Variants in CRYBG1 observed in about 807,000 individuals in gnomAD.
CRYBG1 encodes beta/gamma crystallin domain-containing protein 1.
In CRYBG1, 139 loss-of-function variants were observed where a neutral mutation model predicts 189.2. The ratio of observed to expected loss-of-function variants is 0.73; its 90% CI spans 0.64 to 0.85. CRYBG1 has a LOEUF of 0.85. CRYBG1 is among the 40% of genes least tolerant of loss of function. The pLI is 0.00. For synonymous variants in CRYBG1, 1,023 were observed against 1,017.1 expected (o/e 1.01, Z -0.11); for missense variants, 2,611 against 2,675.8 (o/e 0.98, Z 0.53).
At chr6:106,513,083 G>T (rs988253811) in intron 3 of CRYBG1, 44 bp downstream of exon 3, 4 of 1,564,238 alleles carry the variant, frequency 2.6e-6, no homozygotes, top group Non-Finnish European at 3.4e-6. Flanking sequence ...GTCCGCACAC[G>T]TGCTGGGGGT....
intron 3 of CRYBG1, among the ~76,000 whole-genome samples, chr6:106,514,030 A>G (rs1220753693): frequency 6.6e-6 from 1 of 152,248 alleles, no homozygotes; most frequent in African/African-American, 2.4e-5. Context: ...TCAAATAACA[A>G]TACAAGATGA....
chr6:106,444,438 C>T (rs990712751), intron 1 of CRYBG1, among the ~76,000 whole-genome samples: 1 of 152,208 alleles, frequency 6.6e-6, no homozygotes, highest in Admixed American at 6.5e-5. Flanking sequence ...CTCGGTTCCT[C>T]AGTTCTCCTG....
intron 2 of CRYBG1, among the ~76,000 whole-genome samples, chr6:106,509,794 T>G (rs1349247920): frequency 6.6e-6 from 1 of 151,482 alleles, no homozygotes; most frequent in Non-Finnish European, 1.5e-5. Flanking sequence ...GAATTCTGAC[T>G]TTACTGCTCT....
intron 1 of CRYBG1, among the ~76,000 whole-genome samples, chr6:106,440,410 G>A (rs542372278): frequency 4.6e-5 from 7 of 151,774 alleles, no homozygotes; most frequent in Middle Eastern, 3.4e-3. Flanking sequence ...GACTGTAGGC[G>A]CACACCACCA....
chr6:106,521,295 A>C lies in CRYBG1; in HGVS notation c.4087A>C (p.Lys1363Gln). Residue 1363 changes from lysine to glutamine, a missense_variant, in exon 4 of 22, where the codon AAG becomes CAG. This residue lies in a region of CRYBG1 where 1,622 missense variants were observed against 1,735.0 expected (regional missense o/e 0.93). Coordinates refer to ENST00000633556, the MANE Select transcript of CRYBG1 (RefSeq NM_001371242.2). ...TAAATTTTCTGAATTGTCAAAACTGAAGAATGATGATATGGAAAAGGCTAA... is the reference window on the plus strand; with the variant it reads ...TAAATTTTCTGAATTGTCAAAACTGCAGAATGATGATATGGAAAAGGCTAA... ...ETKFSELSKL[K>Q]NDDMEKANHI... 6.2e-7 allele frequency: 1 copy of C among 1,614,152 alleles called. No homozygotes were observed. Among genetic ancestry groups the C allele is most frequent in the Non-Finnish European group, 8.5e-7 (1 of 1,180,030 alleles).
At chr6:106,514,685 C>A (rs927339985) in intron 3 of CRYBG1, among the ~76,000 whole-genome samples, 1 of 152,132 alleles carries the variant, frequency 6.6e-6, no homozygotes, top group African/African-American at 2.4e-5. Context: ...AATTAGAAGA[C>A]ACCAGTAGAA....
At chr6:106,519,001 A>ACT in intron 3 of CRYBG1, 130 bp from the exon 4 acceptor site, 1 of 962,950 alleles carries the variant, frequency 1.0e-6, no homozygotes, top group Non-Finnish European at 1.5e-6. Flanking sequence ...ATACACACAC[A>ACT]CACACACCAC....
Position 106,571,453 on chromosome 6 carries a change from A to ACTT in CRYBG1, c.*2888_*2890dup, listed in dbSNP as rs1291739986. The ACTT allele has an allele frequency of 6.5e-6, 1 of 153,404 alleles. No homozygotes were observed. Among genetic ancestry groups the ACTT allele is most frequent in the East Asian group, 1.9e-4 (1 of 5,222 alleles). 9.5% of individuals were successfully genotyped at this position (153,404 alleles called of 1,614,324 possible). On this transcript the variant is annotated 3_prime_UTR_variant, in exon 22 of 22. Coordinates refer to ENST00000633556, the MANE Select transcript of CRYBG1 (RefSeq NM_001371242.2). Reference sequence around the variant, plus strand: ...GGTGGTTCACGCCTGTAATCCCAGAACTTTGGGAGACTGACATGGTGGATC... The same window carrying ACTT: ...GGTGGTTCACGCCTGTAATCCCAGAACTTCTTTGGGAGACTGACATGGTGGATC...
chr6:106,506,385 T>G (rs783411), intron 2 of CRYBG1, among the ~76,000 whole-genome samples: 8,285 of 151,704 alleles, frequency 0.055, 708 homozygotes, highest in African/African-American at 0.19. Flanking sequence ...TAGGAAAACT[T>G]ATTTATTTAT....
chr6:106,418,860 G>A (rs746825362), intron 1 of CRYBG1, among the ~76,000 whole-genome samples: 5 of 152,208 alleles, frequency 3.3e-5, no homozygotes, highest in Admixed American at 6.5e-5. Context: ...AGGGGCACCC[G>A]AGTGGGTCTT....
intron 8 of CRYBG1, among the ~76,000 whole-genome samples, chr6:106,530,687 C>A (rs578174463): frequency 2.6e-4 from 40 of 152,274 alleles, no homozygotes; most frequent in Admixed American, 2.4e-3. Flanking sequence ...TGGAAGCCAA[C>A]ACACATGGTA....
Position 106,511,661 on chromosome 6 carries a change from G to A in CRYBG1, c.544G>A (p.Glu182Lys), listed in dbSNP as rs750704187. 94 of 1,535,658 alleles carry A rather than the reference G, an allele frequency of 6.1e-5. No homozygotes were observed. Among genetic ancestry groups the A allele is most frequent in the Non-Finnish European group, 8.0e-5 (92 of 1,146,678 alleles). Reference protein sequence around the residue: ...SSQLKQTDTSEEGSPRENPRE... With the variant: ...SSQLKQTDTSKEGSPRENPRE... ...CCAACTGAAGCAAACGGACACAAGC[G>A]AGGAGGGCTCCCCGCGGGAGAATCC... is the stretch of plus-strand genomic sequence containing the variant. Residue 182 changes from glutamate to lysine, a missense_variant, in exon 3 of 22, where the codon GAG (glutamate) becomes AAG (lysine). Coordinates refer to ENST00000633556, the MANE Select transcript of CRYBG1 (RefSeq NM_001371242.2).
chr6:106,449,975 G>A (rs542650835), intron 1 of CRYBG1, among the ~76,000 whole-genome samples: 50 of 152,100 alleles, frequency 3.3e-4, no homozygotes, highest in Admixed American at 1.3e-3. Context: ...CTGTAATCCC[G>A]GCACTTTGGG....
In CRYBG1 at chr6:106,553,378, G is replaced by A. The variant is rs139062175; in HGVS notation, c.5473-77G>A. ...AACAAAAGTCAGCAGGTCATGTTTA[G>A]GTCATCATTTCAAAGGCTAAATTAG... On this transcript the variant is annotated intron_variant, in intron 15 of 21. Coordinates refer to ENST00000633556, the MANE Select transcript of CRYBG1 (RefSeq NM_001371242.2). The A allele has an allele frequency of 4.3e-6, 4 of 932,632 alleles. No individual in the cohort carries two copies. In the East Asian group the frequency reaches 1.0e-4, roughly 24 times the overall value. 57.8% of individuals were successfully genotyped at this position (932,632 alleles called of 1,614,324 possible). A position where few individuals can be genotyped will look rare whatever the true frequency, so the allele number is the denominator to read the frequency against.
intron 1 of CRYBG1, among the ~76,000 whole-genome samples, chr6:106,369,994 G>A (rs1236784219): frequency 2.0e-5 from 3 of 152,082 alleles, no homozygotes; most frequent in African/African-American, 7.2e-5. Context: ...TAATCACTGT[G>A]GTTAATGGTG....
chr6:106,472,714 G>C (rs1379421595), intron 2 of CRYBG1, among the ~76,000 whole-genome samples: 4 of 149,876 alleles, frequency 2.7e-5, no homozygotes, highest in Non-Finnish European at 5.9e-5. Context: ...GGCCAACAAG[G>C]CGAAACTTCA....
chr6:106,545,934 C>T (rs1165782270), intron 13 of CRYBG1, among the ~76,000 whole-genome samples: 2 of 152,214 alleles, frequency 1.3e-5, no homozygotes, highest in Non-Finnish European at 2.9e-5. Flanking sequence ...CCCGCCTTGG[C>T]CTCCCAAAGT....
At chr6:106,444,907 GAC>G (rs1771636064) in intron 1 of CRYBG1, among the ~76,000 whole-genome samples, 1 of 152,170 alleles carries the variant, frequency 6.6e-6, no homozygotes, top group Admixed American at 6.5e-5. Context: ...GCTGAGGCAA[GAC>G]AATCATTTGA....
intron 1 of CRYBG1, among the ~76,000 whole-genome samples, chr6:106,393,669 G>A (rs1035041466): frequency 2.9e-5 from 4 of 137,190 alleles, no homozygotes; most frequent in South Asian, 2.5e-4. Context: ...CTGTTTCTTC[G>A]TTTCCTCTTC....
Sources: gnomAD v4.1 joint callset for allele counts (sites outside exome capture counted in the v4.1 genomes callset) on GRCh38, gnomAD v4.1.1 for gene constraint, gnomAD v4.1.1 regional missense constraint, MANE v1.5 for transcripts, NCBI Gene and HGNC (gene_info 2026-07-23, HGNC 2026-07-21) for gene names.